ACSS3: variants seen among roughly 807,000 people sequenced by gnomAD.
ACSS3 encodes acyl-CoA synthetase short chain family member 3.
In ACSS3, 64 loss-of-function variants were observed where a neutral mutation model predicts 84.2. That is an observed-to-expected ratio of 0.76 (90% CI 0.62 to 0.94). ACSS3 has a LOEUF of 0.94. ACSS3 is among the 40% of genes least tolerant of loss of function. The pLI is 0.00. For missense variants in ACSS3, 815 were observed against 867.6 expected, an observed-to-expected ratio of 0.94 and a Z score of 0.76; for synonymous variants, 317 against 310.1, an observed-to-expected ratio of 1.02 and a Z score of -0.23.
rs754016818 is a variant in ACSS3 at position 81,122,925 on chromosome 12, G to T, written c.457-11891G>T. Among the ~76,000 whole-genome samples, 75 of 152,034 alleles carry T rather than the reference G, an allele frequency of 4.9e-4. 2 individuals carry two copies. The highest frequency in any genetic ancestry group is 5.2e-4 in the Admixed American group (8 of 15,262). ...TGTGTTATGTTTTAAAAAATCATTT[G>T]AAAAATTTTAAATAGGAATTTGTAA... is the stretch of plus-strand genomic sequence containing the variant. On this transcript the variant is annotated intron_variant, in intron 2 of 15. Coordinates refer to ENST00000548058, the MANE Select transcript of ACSS3 (RefSeq NM_024560.4).
chr12:81,198,548 C>T (rs2031951061), intron 8 of ACSS3, among the ~76,000 whole-genome samples: 1 of 151,082 alleles, frequency 6.6e-6, no homozygotes, highest in African/African-American at 2.4e-5. Flanking sequence ...CACACACACA[C>T]ACTTTTTATA....
intron 2 of ACSS3, among the ~76,000 whole-genome samples, chr12:81,113,829 A>G (rs1883804469): frequency 6.6e-6 from 1 of 152,010 alleles, no homozygotes; most frequent in African/African-American, 2.4e-5. Context: ...GATTTCCCAC[A>G]CTTATAACTC....
At chr12:81,179,271 C>CAAAAAAAAAAAAAA (rs71098127) in intron 8 of ACSS3, among the ~76,000 whole-genome samples, 31 of 66,734 alleles carry the variant, frequency 4.6e-4, no homozygotes, top group Middle Eastern at 0.016. Flanking sequence ...AAGTAATTGC[C>CAAAAAAAAAAAAAA]AAAAAAAAAA....
intron 2 of ACSS3, among the ~76,000 whole-genome samples, chr12:81,120,042 T>A (rs1399594662): frequency 6.6e-6 from 1 of 151,794 alleles, no homozygotes; most frequent in Admixed American, 6.6e-5. Flanking sequence ...ACTGTGGAGG[T>A]GATGTAGAAG....
intron 15 of ACSS3, among the ~76,000 whole-genome samples, chr12:81,254,421 A>C (rs1370710171): frequency 6.6e-6 from 1 of 152,152 alleles, no homozygotes; most frequent in Non-Finnish European, 1.5e-5. Flanking sequence ...TAATTTTGTA[A>C]TTATTTTAGG....
intron 7 of ACSS3, among the ~76,000 whole-genome samples, chr12:81,156,881 A>C (rs1187335406): frequency 6.6e-6 from 1 of 152,214 alleles, no homozygotes; most frequent in African/African-American, 2.4e-5. Context: ...AAGAGGAGGC[A>C]GGTGGCTGGT....
chr12:81,209,555 C>T (rs12827500), intron 9 of ACSS3, among the ~76,000 whole-genome samples: 2,647 of 152,106 alleles, frequency 0.017, 39 homozygotes, highest in Admixed American at 0.021. Flanking sequence ...GAATTTGTTA[C>T]CTGAAAGAGC....
At chr12:81,137,479 G>T (rs922511212) in intron 3 of ACSS3, among the ~76,000 whole-genome samples, 1 of 151,970 alleles carries the variant, frequency 6.6e-6, no homozygotes, top group South Asian at 2.1e-4. Context: ...AGATAGTTGG[G>T]TAAAATTAGT....
At chr12:81,182,852 A>T (rs1303517701) in intron 8 of ACSS3, among the ~76,000 whole-genome samples, 1 of 152,038 alleles carries the variant, frequency 6.6e-6, no homozygotes, top group Non-Finnish European at 1.5e-5. Flanking sequence ...ACTTTATCCA[A>T]CCATGCCTTA....
chr12:81,196,253 C>G (rs180816503), intron 8 of ACSS3, among the ~76,000 whole-genome samples: 2 of 152,224 alleles, frequency 1.3e-5, no homozygotes, highest in Non-Finnish European at 2.9e-5. Context: ...TCTACACTCT[C>G]CCATATGGTA....
intron 7 of ACSS3, among the ~76,000 whole-genome samples, chr12:81,156,672 C>A (rs1221612900): frequency 6.6e-6 from 1 of 152,090 alleles, no homozygotes; most frequent in Non-Finnish European, 1.5e-5. Flanking sequence ...AGAAATTCAA[C>A]ACACATAAAT....
At chr12:81,146,279 A>G (rs949242700) in intron 5 of ACSS3, among the ~76,000 whole-genome samples, 6 of 152,126 alleles carry the variant, frequency 3.9e-5, no homozygotes, top group Non-Finnish European at 8.8e-5. Context: ...TTATTCATAC[A>G]ATTCTCGTTT....
intron 9 of ACSS3, chr12:81,199,748 C>A: frequency 8.3e-7 from 1 of 1,197,670 alleles, no homozygotes; most frequent in Non-Finnish European, 1.1e-6. Flanking sequence ...TTTGAAGTGT[C>A]TGTTGGGTTC....
intron 8 of ACSS3, among the ~76,000 whole-genome samples, chr12:81,193,666 A>T (rs1286046051): frequency 6.6e-6 from 1 of 152,024 alleles, no homozygotes; most frequent in East Asian, 1.9e-4. Context: ...TTATCTACAC[A>T]TTTAATAGTC....
At chr12:81,156,552 G>A (rs1360604993) in intron 7 of ACSS3, among the ~76,000 whole-genome samples, 1 of 151,944 alleles carries the variant, frequency 6.6e-6, no homozygotes, top group East Asian at 1.9e-4. Context: ...ACCTCTACAA[G>A]CCTAGCAAAG....
At chr12:81,246,215 G>C (rs192545152) in intron 13 of ACSS3, among the ~76,000 whole-genome samples, 2 of 152,274 alleles carry the variant, frequency 1.3e-5, no homozygotes, top group Admixed American at 1.3e-4. Context: ...GAGAAGGGAA[G>C]GGGCACACCT....
chr12:81,111,453 A>T (rs1243922344), intron 2 of ACSS3, among the ~76,000 whole-genome samples: 2 of 152,206 alleles, frequency 1.3e-5, no homozygotes, highest in Non-Finnish European at 2.9e-5. Context: ...GGAGAACTGC[A>T]CGACTTGCAA....
intron 8 of ACSS3, among the ~76,000 whole-genome samples, chr12:81,191,966 C>T (rs866442469): frequency 1.3e-5 from 2 of 152,178 alleles, no homozygotes; most frequent in Middle Eastern, 3.4e-3. Flanking sequence ...CATATTCATC[C>T]GAGTTATATT....
rs200952461 is a variant in ACSS3 at position 81,092,076 on chromosome 12, G to GTGCA, written c.311+13647_311+13650dup. On this transcript the variant is annotated intron_variant, in intron 1 of 15. Transcript: ENST00000548058. Reference sequence around the variant, plus strand: ...AGTGTTACAGATTTAAAAACGAGCTGTGCATACATAAATATATACATACAC... The same window carrying GTGCA: ...AGTGTTACAGATTTAAAAACGAGCTGTGCATGCATACATAAATATATACATACAC... Among the ~76,000 whole-genome samples the GTGCA allele has an allele frequency of 5.1e-3, 783 of 152,080 alleles. 4 individuals carry two copies. The highest frequency in any genetic ancestry group is 0.014 in the African/African-American group (567 of 41,516).
Sources: gnomAD v4.1 joint callset for allele counts (sites outside exome capture counted in the v4.1 genomes callset) on GRCh38, gnomAD v4.1.1 for gene constraint, MANE v1.5 for transcripts, NCBI Gene and HGNC (gene_info 2026-07-23, HGNC 2026-07-21) for gene names.